CEBPZ: variants seen among roughly 807,000 people sequenced by gnomAD.
CEBPZ encodes CCAAT/enhancer-binding protein zeta.
Under a neutral mutation model 104.5 loss-of-function variants are expected in CEBPZ, and 78 were observed. That is an observed-to-expected ratio of 0.75 (90% CI 0.62 to 0.90). CEBPZ has a LOEUF of 0.90. Among genes scored for constraint, CEBPZ ranks in the 40% least tolerant of loss-of-function variants. CEBPZ has a pLI of 0.00. For missense variants in CEBPZ, 1,439 were observed against 1,233.5 expected (o/e 1.17, Z -2.50); for synonymous variants, 470 against 427.0 (o/e 1.10, Z -1.24).
In CEBPZ at chr2:37,223,341, G is replaced by A. The variant is rs922185804; in HGVS notation, c.1710C>T (p.Val570=). 6.2e-7 allele frequency: 1 copy of A among 1,614,098 alleles called. No homozygotes were observed. The highest frequency in any genetic ancestry group is 1.1e-5 in the South Asian group (1 of 91,070). The part of the protein sequence containing the change: ...CSKQAMFLNL[V]YKSLKADIVL... ...CAATGTCAGCTTTCAGAGATTTGTA[G>A]ACAAGGTTAAGAAACATAGCTTGCT... Residue 570 remains valine, a synonymous_variant, in exon 3 of 16, where the codon GTC becomes GTT. Coordinates refer to ENST00000234170, the MANE Select transcript of CEBPZ (RefSeq NM_005760.3).
intron 5 of CEBPZ, among the ~76,000 whole-genome samples, chr2:37,217,827 G>A (rs1249137918): frequency 3.3e-5 from 5 of 151,058 alleles, no homozygotes; most frequent in Non-Finnish European, 7.4e-5. Flanking sequence ...GTGTGAACCT[G>A]GGAGGCGGAA....
Position 37,222,379 on chromosome 2 carries a change from C to T in CEBPZ, c.2065+1G>A. ...AGAGAATAAAGATGAAAAAAACTCACCTTTCAAATTATCAAAGTGCACCCA... is the reference window on the plus strand; with the variant it reads ...AGAGAATAAAGATGAAAAAAACTCATCTTTCAAATTATCAAAGTGCACCCA... On this transcript the variant is annotated splice_donor_variant, in intron 4 of 15. Transcript: ENST00000234170. LOFTEE classifies it high-confidence loss of function. 2 of 1,573,166 alleles carry T rather than the reference C, an allele frequency of 1.3e-6. No homozygotes were observed. The highest frequency in any genetic ancestry group is 1.7e-6 in the Non-Finnish European group (2 of 1,166,328).
chr2:37,221,008 A>AGT (rs1230217621), intron 4 of CEBPZ, among the ~76,000 whole-genome samples: 1 of 152,108 alleles, frequency 6.6e-6, no homozygotes, highest in Non-Finnish European at 1.5e-5. Flanking sequence ...AAAATAAGTA[A>AGT]GTAAAAGCTC....
At chr2:37,209,535 G>C (rs1400453753) in intron 13 of CEBPZ, 6 of 152,014 alleles carry the variant, frequency 3.9e-5, no homozygotes. Context: ...CAAAAACAAA[G>C]TGGGGAAAGG....
chr2:37,219,761 TATC>T (rs1411024473), intron 5 of CEBPZ, among the ~76,000 whole-genome samples: 1 of 152,232 alleles, frequency 6.6e-6, no homozygotes, highest in African/African-American at 2.4e-5. Context: ...CAAAAAATTT[TATC>T]ATAAAACTTT....
intron 5 of CEBPZ, among the ~76,000 whole-genome samples, chr2:37,218,826 C>G (rs756929824): frequency 6.6e-6 from 1 of 152,172 alleles, no homozygotes; most frequent in Non-Finnish European, 1.5e-5. Flanking sequence ...GAGCCGAGAT[C>G]GCGCCACTGC....
chr2:37,227,646 T>C lies in CEBPZ; in HGVS notation c.1547A>G (p.His516Arg). The change falls in exon 2 of 16, where the codon CAT becomes CGT. Residue 516 changes from histidine to arginine, a missense_variant. His to Arg is a conservative substitution (Grantham distance 29). Coordinates refer to ENST00000234170, the MANE Select transcript of CEBPZ (RefSeq NM_005760.3). ...EQIDTLFKVL[H>R]IVNFNTSVQA... is the part of the protein sequence containing the mutation. ...GACACTGGTATTAAAATTCACAATA[T>C]GCAACACTTTAAACAGTGTGTCAAT... is the stretch of plus-strand genomic sequence containing the variant. 3.1e-6 allele frequency: 5 copies of C among 1,614,200 alleles called. No individual in the cohort carries two copies. The highest frequency in any genetic ancestry group is 3.4e-6 in the Non-Finnish European group (4 of 1,180,024).
intron 2 of CEBPZ, among the ~76,000 whole-genome samples, chr2:37,225,247 G>C (rs577837688): frequency 6.6e-6 from 1 of 152,208 alleles, no homozygotes; most frequent in South Asian, 2.1e-4. Context: ...ACAGCAAGTG[G>C]ACCTGGACTT....
chr2:37,221,399 C>T (rs1664768372), intron 4 of CEBPZ, among the ~76,000 whole-genome samples: 1 of 152,116 alleles, frequency 6.6e-6, no homozygotes, highest in African/African-American at 2.4e-5. Flanking sequence ...ATTTTGGGGC[C>T]AAAGAGGTGG....
intron 4 of CEBPZ, among the ~76,000 whole-genome samples, chr2:37,221,426 A>G (rs1162568340): frequency 6.6e-6 from 1 of 152,248 alleles, no homozygotes; most frequent in Non-Finnish European, 1.5e-5. Flanking sequence ...TAAGATGGAA[A>G]TAATCTGAAG....
chr2:37,231,268 C>T (rs1328373299), intron 1 of CEBPZ, 144 bp downstream of exon 1: 21 of 1,092,676 alleles, frequency 1.9e-5, no homozygotes, highest in South Asian at 1.3e-4. Context: ...GCGTGGGAAG[C>T]GCACCGAACA....
intron 13 of CEBPZ, chr2:37,203,525 C>G (rs1413176929): frequency 6.6e-6 from 1 of 152,168 alleles, no homozygotes. Context: ...TATTCAAACT[C>G]TGCATCTTTG....
Position 37,214,841 on chromosome 2 carries a change from A to G in CEBPZ, c.2447+45T>C, listed in dbSNP as rs1220053836. ...AGCATTTTATGAAATCTAAAAATTT[A>G]AATTTTAGCAGTTTCCCCAAATGAA... On this transcript the variant is annotated intron_variant, in intron 9 of 15. Transcript: ENST00000234170. 2.4e-6 allele frequency: 3 copies of G among 1,235,834 alleles called. No individual in the cohort carries two copies. The Admixed American group carries it at 5.8e-5, about 24-fold the overall frequency. The allele number at this position is 1,235,834 out of a possible 1,614,324, so 76.6% of individuals were successfully genotyped here. A position where few individuals can be genotyped will look rare whatever the true frequency, so the allele number is the denominator to read the frequency against.
In CEBPZ at chr2:37,214,881, A is replaced by T; in HGVS notation, c.2447+5T>A. On this transcript the variant is annotated splice_donor_5th_base_variant and intron_variant, in intron 9 of 15. Transcript: ENST00000234170. ...CCCCAAATGAAACTATATTATGTAT[A>T]GTACCTGTGGAAAAACACTTCATCC... 6.3e-7 allele frequency: 1 copy of T among 1,590,674 alleles called. No homozygotes were observed. The highest frequency in any genetic ancestry group is 1.1e-5 in the South Asian group (1 of 90,554).
In CEBPZ at chr2:37,202,947, T is replaced by C; in HGVS notation, c.2943+3A>G. The C allele has an allele frequency of 1.3e-6, 2 of 1,590,070 alleles. No homozygotes were observed. Among genetic ancestry groups the C allele is most frequent in the Non-Finnish European group, 1.7e-6 (2 of 1,169,366 alleles). ...GCTTGTTAAAACAGTACATTAGCCT[T>C]ACCTCTTCAGCAGATACAAATAGGC... On this transcript the variant is annotated splice_donor_region_variant and intron_variant, in intron 14 of 15. Coordinates refer to ENST00000234170, the MANE Select transcript of CEBPZ (RefSeq NM_005760.3).
chr2:37,216,879 T>C, intron 6 of CEBPZ, 105 bp downstream of exon 6: 3 of 939,320 alleles, frequency 3.2e-6, no homozygotes, highest in Non-Finnish European at 4.9e-6. Context: ...CAGTAAAATG[T>C]ACAAGATTCT....
rs754602427 is a variant in CEBPZ, at chr2:37,216,375, G to A, written c.2252C>T (p.Thr751Ile). 4 of 1,613,874 alleles carry A rather than the reference G, an allele frequency of 2.5e-6. No individual in the cohort carries two copies. The highest frequency in any genetic ancestry group is 1.1e-5 in the South Asian group (1 of 91,056). Reference sequence around the variant, plus strand: ...AAATCGATCCAAAAATCTCATTAGAGTGAAATCCTGCAGTGGGTCCCCTGA... The same window carrying A: ...AAATCGATCCAAAAATCTCATTAGAATGAAATCCTGCAGTGGGTCCCCTGA... ...QYSGDPLQDF[T>I]LMRFLDRFVY... Residue 751 changes from threonine to isoleucine, a missense_variant, in exon 7 of 16, where the codon ACT becomes ATT. By Grantham distance (89) the Thr-to-Ile change is moderately conservative. Transcript: ENST00000234170.
At position 37,201,695 on chromosome 2, in the gene CEBPZ, C is replaced by G. The variant is rs1299896072; in HGVS notation, c.*69G>C. On this transcript the variant is annotated 3_prime_UTR_variant, in exon 16 of 16. Transcript: ENST00000234170. ...AATGTATGGAATCAGAGAGCTAGAT[C>G]AAAAAACATGGTTGAACAGCAAAAA... 1 of 967,056 alleles carries G rather than the reference C, an allele frequency of 1.0e-6. No homozygotes were observed. The highest frequency in any genetic ancestry group is 2.6e-5 in the East Asian group (1 of 38,318). 59.9% of individuals were successfully genotyped at this position (967,056 alleles called of 1,614,324 possible).
intron 4 of CEBPZ, among the ~76,000 whole-genome samples, chr2:37,221,113 A>G (rs984837586): frequency 1.3e-5 from 2 of 152,140 alleles, no homozygotes; most frequent in Non-Finnish European, 2.9e-5. Context: ...TGAGACCAAG[A>G]GCTCGAGACC....
Sources: gnomAD v4.1 joint callset for allele counts (sites outside exome capture counted in the v4.1 genomes callset) on GRCh38, gnomAD v4.1.1 for gene constraint, MANE v1.5 for transcripts, NCBI Gene and HGNC (gene_info 2026-07-23, HGNC 2026-07-21) for gene names.